The following SPAG16 variants were observed in gnomAD, a reference collection of about 807,000 sequenced individuals.
SPAG16 encodes sperm associated antigen 16.
In SPAG16, 86 loss-of-function variants were observed where a neutral mutation model predicts 80.4. That is an observed-to-expected ratio of 1.07 (90% CI 0.90 to 1.28). The LOEUF (loss-of-function observed/expected upper bound fraction) is 1.28. Ranked by LOEUF, SPAG16 falls within the 50% of genes most tolerant of loss-of-function variation. The pLI is 0.00. For synonymous variants in SPAG16, 294 were observed against 265.9 expected (o/e 1.11, Z -1.03); for missense variants, 870 against 765.3 (o/e 1.14, Z -1.61).
chr2:213,909,151 T>C (rs1195464572), intron 11 of SPAG16, among the ~76,000 whole-genome samples: 8 of 152,214 alleles, frequency 5.3e-5, no homozygotes, highest in Middle Eastern at 3.4e-3. Flanking sequence ...AATAAAATAC[T>C]TAGGAATCCA....
chr2:213,466,645 A>C (rs1232376768), intron 9 of SPAG16, among the ~76,000 whole-genome samples: 1 of 152,186 alleles, frequency 6.6e-6, no homozygotes, highest in East Asian at 1.9e-4. Flanking sequence ...CTGAAGTCTG[A>C]CAGAGCTGAG....
At chr2:213,997,397 G>A (rs1012270670) in intron 12 of SPAG16, among the ~76,000 whole-genome samples, 1 of 152,148 alleles carries the variant, frequency 6.6e-6, no homozygotes, top group African/African-American at 2.4e-5. Flanking sequence ...CAGAAAGTGG[G>A]AGATAATGGG....
chr2:213,719,056 G>A (rs912496378), intron 10 of SPAG16, among the ~76,000 whole-genome samples: 2 of 151,970 alleles, frequency 1.3e-5, no homozygotes, highest in Non-Finnish European at 2.9e-5. Context: ...TGCACCAGGC[G>A]ACACTCGGTA....
intron 15 of SPAG16, among the ~76,000 whole-genome samples, chr2:214,274,039 T>G (rs1692250674): frequency 6.6e-6 from 1 of 152,182 alleles, no homozygotes; most frequent in Admixed American, 6.5e-5. Context: ...TTCCTAGGTA[T>G]TTTATTCTCT....
At chr2:213,866,823 C>CT (rs1241220190) in intron 11 of SPAG16, among the ~76,000 whole-genome samples, 1 of 152,136 alleles carries the variant, frequency 6.6e-6, no homozygotes, top group Non-Finnish European at 1.5e-5. Flanking sequence ...TAAATGTTGA[C>CT]TACATATTTT....
At chr2:213,458,004 T>C (rs2125600652) in intron 9 of SPAG16, among the ~76,000 whole-genome samples, 1 of 152,292 alleles carries the variant, frequency 6.6e-6, no homozygotes, top group South Asian at 2.1e-4. Context: ...TTGAGTTTTT[T>C]ACTCATCACA....
chr2:214,160,358 C>A (rs1347588187), intron 15 of SPAG16, among the ~76,000 whole-genome samples: 1 of 151,728 alleles, frequency 6.6e-6, no homozygotes, highest in Non-Finnish European at 1.5e-5. Flanking sequence ...ACTTTAGGTA[C>A]CATTTTTCCT....
chr2:213,422,030 T>C, intron 9 of SPAG16: 1 of 583,758 alleles, frequency 1.7e-6, no homozygotes, highest in Non-Finnish European at 3.1e-6. Context: ...TTCATGTACC[T>C]CATTCTTCCT....
chr2:213,626,071 G>C (rs1351217498), intron 10 of SPAG16, among the ~76,000 whole-genome samples: 1 of 152,054 alleles, frequency 6.6e-6, no homozygotes. Flanking sequence ...GGAGTGAGAA[G>C]AGGTCAAATT....
intron 12 of SPAG16, among the ~76,000 whole-genome samples, chr2:214,003,017 G>T (rs1271032919): frequency 1.3e-5 from 2 of 152,050 alleles, no homozygotes; most frequent in Admixed American, 1.3e-4. Flanking sequence ...AATAATAAAG[G>T]CCTCGATATG....
Position 213,296,104 on chromosome 2 carries a change from T to C in SPAG16, c.177T>C (p.Tyr59=). ...AAGCATCTGAAGATGACTATGAATA[T>C]GAAGAGGTAACATGTTAATTTTAGG... ...ITEASEDDYE[Y]EEIPDDNFSI... is the part of the protein sequence containing the mutation. Residue 59 remains tyrosine (Y), a synonymous_variant, in exon 2 of 16, where the codon TAT becomes TAC. Coordinates refer to ENST00000331683, the MANE Select transcript of SPAG16 (RefSeq NM_024532.5). The C allele has an allele frequency of 6.2e-7, 1 of 1,605,096 alleles. No homozygotes were observed. The highest frequency in any genetic ancestry group is 8.5e-7 in the Non-Finnish European group (1 of 1,172,682).
At chr2:213,933,660 A>T (rs2078866434) in intron 12 of SPAG16, among the ~76,000 whole-genome samples, 2 of 152,230 alleles carry the variant, frequency 1.3e-5, no homozygotes, top group Non-Finnish European at 2.9e-5. Context: ...CAAGGATAGT[A>T]GGAAACAGAG....
intron 10 of SPAG16, among the ~76,000 whole-genome samples, chr2:213,545,089 C>G (rs961797673): frequency 6.6e-6 from 1 of 152,072 alleles, no homozygotes; most frequent in Non-Finnish European, 1.5e-5. Context: ...TACCATTTTG[C>G]ATCTCACCAG....
At chr2:213,593,655 T>C (rs1391981094) in intron 10 of SPAG16, among the ~76,000 whole-genome samples, 1 of 150,996 alleles carries the variant, frequency 6.6e-6, no homozygotes, top group Non-Finnish European at 1.5e-5. Context: ...TTATTCCTTC[T>C]CTTTTCTAGG....
chr2:213,926,707 A>G (rs577312881), intron 11 of SPAG16, among the ~76,000 whole-genome samples: 18 of 152,060 alleles, frequency 1.2e-4, no homozygotes, highest in African/African-American at 4.1e-4. Context: ...TATATACTTT[A>G]CTTATAGTTA....
At chr2:213,648,740 G>A (rs989246052) in intron 10 of SPAG16, among the ~76,000 whole-genome samples, 1 of 152,030 alleles carries the variant, frequency 6.6e-6, no homozygotes, top group African/African-American at 2.4e-5. Flanking sequence ...CAAACTATAA[G>A]CAGAAAAGAA....
intron 10 of SPAG16, among the ~76,000 whole-genome samples, chr2:213,759,921 G>T (rs1453851727): frequency 6.6e-6 from 1 of 152,046 alleles, no homozygotes; most frequent in Non-Finnish European, 1.5e-5. Context: ...TATAGTCCCA[G>T]ATACTCATGA....
At chr2:213,760,958 CTTATGGCAGGAT>C (rs1227435031) in intron 10 of SPAG16, among the ~76,000 whole-genome samples, 13 of 152,082 alleles carry the variant, frequency 8.5e-5, no homozygotes, top group Admixed American at 1.3e-4. Flanking sequence ...AGTTTTAGTC[CTTATGGCAGGAT>C]TTATGGGAGG....
intron 11 of SPAG16, among the ~76,000 whole-genome samples, chr2:213,899,418 A>G (rs937167329): frequency 2.0e-5 from 3 of 152,136 alleles, no homozygotes; most frequent in Admixed American, 2.0e-4. Flanking sequence ...GTTCCCTCTT[A>G]CTAGAAGTTT....
Sources: gnomAD v4.1 joint callset for allele counts (sites outside exome capture counted in the v4.1 genomes callset) on GRCh38, gnomAD v4.1.1 for gene constraint, MANE v1.5 for transcripts, NCBI Gene and HGNC (gene_info 2026-07-23, HGNC 2026-07-21) for gene names.